Variants in FGD6 observed in about 807,000 individuals in gnomAD.
FGD6 encodes FYVE, RhoGEF and PH domain containing 6.
A neutral mutation model predicts 149.4 loss-of-function variants in FGD6; 90 were observed. That is an observed-to-expected ratio of 0.60 (90% CI 0.51 to 0.72). The LOEUF is 0.72. FGD6 is among the 30% of genes least tolerant of loss of function. FGD6 has a pLI of 0.00. For missense variants in FGD6, 1,437 were observed against 1,684.8 expected (o/e 0.85, Z 2.57); for synonymous variants, 527 against 584.0 (o/e 0.90, Z 1.41).
At chr12:95,094,023 G>A (rs2136234600) in intron 15 of FGD6, among the ~76,000 whole-genome samples, 1 of 151,760 alleles carries the variant, frequency 6.6e-6, no homozygotes, top group East Asian at 1.9e-4. Flanking sequence ...GCTGGGCGTG[G>A]TGGTGCATGC....
At chr12:95,172,068 T>C (rs1027059058) in intron 3 of FGD6, among the ~76,000 whole-genome samples, 28 of 148,596 alleles carry the variant, frequency 1.9e-4, no homozygotes, top group African/African-American at 3.2e-4. Flanking sequence ...AAGCAAGCCA[T>C]TGGACATTAG....
intron 5 of FGD6, among the ~76,000 whole-genome samples, chr12:95,144,968 C>T (rs1464349517): frequency 1.9e-4 from 27 of 144,410 alleles, no homozygotes; most frequent in African/African-American, 6.4e-4. Flanking sequence ...GGATTACAGG[C>T]GTGAGCCACC....
chr12:95,103,033 A>C (rs1173552752), intron 14 of FGD6, among the ~76,000 whole-genome samples: 1 of 152,172 alleles, frequency 6.6e-6, no homozygotes, highest in African/African-American at 2.4e-5. Context: ...TGCTCCTAAG[A>C]TCCTAGTTGA....
Position 95,084,491 on chromosome 12 carries a change from T to G in FGD6, c.4256+7A>C, listed in dbSNP as rs548481208. On this transcript the variant is annotated splice_region_variant and intron_variant, in intron 20 of 20. Transcript: ENST00000343958. The stretch of plus-strand genomic sequence containing the variant: ...GAATAAAAGAAAAATATGGCCAGAT[T>G]ACTTACTTCTGAGCCGAATGAGCAT... 3.3e-6 allele frequency: 5 copies of G among 1,528,650 alleles called. No homozygotes were observed. In the African/African-American group the frequency reaches 7.1e-5, roughly 22 times the overall value. 94.7% of individuals were successfully genotyped at this position (1,528,650 alleles called of 1,614,324 possible).
intron 5 of FGD6, among the ~76,000 whole-genome samples, chr12:95,149,812 T>G (rs1256370664): frequency 1.4e-5 from 2 of 146,438 alleles, no homozygotes; most frequent in Non-Finnish European, 3.0e-5. Context: ...TACTATATAA[T>G]AGTAATCATT....
intron 14 of FGD6, among the ~76,000 whole-genome samples, chr12:95,096,328 T>TC (rs1395252295): frequency 6.6e-6 from 1 of 152,106 alleles, no homozygotes; most frequent in Non-Finnish European, 1.5e-5. Flanking sequence ...AGAAAGCGCC[T>TC]CCCTAATCCA....
At chr12:95,131,387 G>C (rs982341133) in intron 8 of FGD6, among the ~76,000 whole-genome samples, 1 of 152,128 alleles carries the variant, frequency 6.6e-6, no homozygotes, top group African/African-American at 2.4e-5. Context: ...GGGATTACAG[G>C]CGTGAGACAC....
rs139717626 is a variant in FGD6 at position 95,135,210 on chromosome 12, T to C, written c.2995-384A>G. ...GACCAAGAAGGAAATGCATGGCCCC[T>C]AAAATAAGGCAGTGGAAATACAACT... On this transcript the variant is annotated intron_variant, in intron 7 of 20. Transcript: ENST00000343958. Among the ~76,000 whole-genome samples, 1,183 of 152,220 alleles carry C rather than the reference T, an allele frequency of 7.8e-3. 20 individuals are homozygous for C. Among genetic ancestry groups the C allele is most frequent in the African/African-American group, 0.027 (1,128 of 41,538 alleles).
intron 17 of FGD6, among the ~76,000 whole-genome samples, chr12:95,091,116 T>C (rs1337796120): frequency 6.6e-6 from 1 of 152,134 alleles, no homozygotes; most frequent in Non-Finnish European, 1.5e-5. Flanking sequence ...AAATAAAATT[T>C]AGATCCTACA....
At chr12:95,108,207 A>G in intron 11 of FGD6, 141 bp downstream of exon 11, 1 of 728,506 alleles carries the variant, frequency 1.4e-6, no homozygotes, top group South Asian at 2.0e-5. Flanking sequence ...TACATCATGA[A>G]TGTTTTGAAC....
chr12:95,208,590 C>A (rs1330999069), intron 2 of FGD6, among the ~76,000 whole-genome samples: 1 of 152,210 alleles, frequency 6.6e-6, no homozygotes, highest in African/African-American at 2.4e-5. Context: ...GCCTTCCTTG[C>A]AGCAGCACCT....
chr12:95,085,341 A>C (rs1212803040), intron 19 of FGD6, among the ~76,000 whole-genome samples: 1 of 151,462 alleles, frequency 6.6e-6, no homozygotes, highest in African/African-American at 2.4e-5. Flanking sequence ...CACCCTCCCA[A>C]GTGTCTGGGA....
chr12:95,147,022 T>G (rs908915975), intron 5 of FGD6, among the ~76,000 whole-genome samples: 5 of 152,154 alleles, frequency 3.3e-5, no homozygotes, highest in African/African-American at 1.2e-4. Flanking sequence ...CCCAGCTGCC[T>G]GACCTCAGGG....
chr12:95,211,635 G>A (rs1565926102), intron 1 of FGD6, among the ~76,000 whole-genome samples: 1 of 151,618 alleles, frequency 6.6e-6, no homozygotes. Context: ...TGCTTCCAGG[G>A]TTCAAGTATT....
intron 14 of FGD6, among the ~76,000 whole-genome samples, chr12:95,102,433 G>C (rs1401987082): frequency 8.9e-6 from 1 of 112,674 alleles, no homozygotes; most frequent in Non-Finnish European, 1.7e-5. Flanking sequence ...GACAGAGCGA[G>C]ACCCTTTCTC....
chr12:95,082,910 G>A (rs1447185078), intron 20 of FGD6, among the ~76,000 whole-genome samples: 1 of 143,450 alleles, frequency 7.0e-6, no homozygotes, highest in African/African-American at 2.6e-5. Flanking sequence ...ACTTTGAGAG[G>A]CTGAGATAGG....
chr12:95,192,133 G>A (rs1881607089), intron 2 of FGD6, among the ~76,000 whole-genome samples: 1 of 152,150 alleles, frequency 6.6e-6, no homozygotes, highest in Non-Finnish European at 1.5e-5. Context: ...AGAACTAAAA[G>A]TCTAAAAGTC....
At chr12:95,212,503 T>G (rs1001946485) in intron 1 of FGD6, among the ~76,000 whole-genome samples, 4 of 152,242 alleles carry the variant, frequency 2.6e-5, no homozygotes, top group Non-Finnish European at 4.4e-5. Context: ...CCTGTATATC[T>G]GTAAGTTCCT....
At chr12:95,089,805 G>C in intron 17 of FGD6, 109 bp from the exon 18 acceptor site, 1 of 1,385,696 alleles carries the variant, frequency 7.2e-7, no homozygotes, top group Non-Finnish European at 9.9e-7. Flanking sequence ...AGGACACTAA[G>C]AAACAACATT....
Sources: allele counts gnomAD v4.1 joint callset (sites outside exome capture counted in the v4.1 genomes callset), GRCh38; gene constraint gnomAD v4.1.1; transcripts MANE v1.5; gene names NCBI Gene and HGNC (gene_info 2026-07-23, HGNC 2026-07-21).